The following RBBP4 variants were observed in gnomAD, a reference collection of about 807,000 sequenced individuals.
The protein encoded by RBBP4 is RB binding protein 4, chromatin remodeling factor, also known as histone-binding protein RBBP4.
RBBP4 carries 3 observed loss-of-function variants against 57.2 expected under a neutral mutation model. The ratio of observed to expected loss-of-function variants is 0.05; its 90% CI spans 0.02 to 0.14. The LOEUF (loss-of-function observed/expected upper bound fraction) is 0.14. Among genes scored for constraint, RBBP4 ranks in the 10% least tolerant of loss-of-function variants. The probability of loss-of-function intolerance (pLI) is 1.00; values close to 1 mark genes in which losing one functional copy is unlikely to be tolerated. For missense variants in RBBP4, 107 were observed against 520.6 expected, an observed-to-expected ratio of 0.21 and a Z score of 7.73; for synonymous variants, 151 against 171.5, an observed-to-expected ratio of 0.88 and a Z score of 0.93.
intron 3 of RBBP4, among the ~76,000 whole-genome samples, chr1:32,663,808 C>T (rs978336958): frequency 6.6e-5 from 10 of 151,966 alleles, no homozygotes; most frequent in African/African-American, 2.2e-4. Flanking sequence ...AATCTCCTGA[C>T]CTCGTGATCC....
At chr1:32,677,492 A>AAC (rs1410952900) in intron 11 of RBBP4, among the ~76,000 whole-genome samples, 1 of 150,096 alleles carries the variant, frequency 6.7e-6, no homozygotes, top group Non-Finnish European at 1.5e-5. Context: ...CAAAACAAAA[A>AAC]ACAAACAAAA....
In RBBP4 at chr1:32,668,878, G is replaced by T. The variant is rs1378905652; in HGVS notation, c.600+24G>T. 3 of 1,612,920 alleles carry T rather than the reference G, an allele frequency of 1.9e-6. No individual in the cohort carries two copies. In the African/African-American group the frequency reaches 4.0e-5, roughly 21 times the overall value. Reference sequence around the variant, plus strand: ...ATGTGTGTATCCTTCCCATTTTGAAGCAAATCTGGGCTAGTTACCAGTTGG... The same window carrying T: ...ATGTGTGTATCCTTCCCATTTTGAATCAAATCTGGGCTAGTTACCAGTTGG... On this transcript the variant is annotated intron_variant, in intron 5 of 11. Coordinates refer to ENST00000373493, the MANE Select transcript of RBBP4 (RefSeq NM_005610.3).
At chr1:32,660,303 C>T (rs1455557527) in intron 3 of RBBP4, among the ~76,000 whole-genome samples, 1 of 152,096 alleles carries the variant, frequency 6.6e-6, no homozygotes, top group Non-Finnish European at 1.5e-5. Flanking sequence ...CTGGAGTGCA[C>T]TGGCATGATC....
intron 11 of RBBP4, among the ~76,000 whole-genome samples, chr1:32,675,200 T>G (rs1003991071): frequency 6.6e-6 from 1 of 151,660 alleles, no homozygotes; most frequent in African/African-American, 2.4e-5. Flanking sequence ...CTGGCTAAAT[T>G]TTTGTAATTT....
At position 32,652,091 on chromosome 1, in the gene RBBP4, A is replaced by T. The variant is rs772198196; in HGVS notation, c.164+30A>T. 6 of 1,592,704 alleles carry T rather than the reference A, an allele frequency of 3.8e-6. No homozygotes were observed. The South Asian group carries it at 4.5e-5, about 12-fold the overall frequency. On this transcript the variant is annotated intron_variant, in intron 2 of 11. Transcript: ENST00000373493. ...CATGACTCTCCCGAACGTTATTTTG[A>T]TGTATTTTCAGTGTAGATTTCTCAT... is the stretch of plus-strand genomic sequence containing the variant.
Position 32,651,313 on chromosome 1 carries a change from G to A in RBBP4, c.7G>A (p.Asp3Asn). 1 of 1,469,560 alleles carries A rather than the reference G, an allele frequency of 6.8e-7. No homozygotes were observed. 91.0% of individuals were successfully genotyped at this position (1,469,560 alleles called of 1,614,324 possible). ...CCCGGCTCGCCTGCCCGCCATGGCC[G>A]ACAAGGAAGGTGAGGGTGCCGGGGC... MA[D>N]KEAAFDDAVE... The change falls in exon 1 of 12, where the codon GAC (aspartate) becomes AAC (asparagine). Residue 3 changes from aspartate (D) to asparagine (N), a missense_variant. Asp to Asn is a conservative substitution (Grantham distance 23, BLOSUM62 1). Around this residue, in one of 3 missense-constraint regions of RBBP4, gnomAD observed 92 missense variants for 408.5 expected, o/e 0.23. Transcript: ENST00000373493.
intron 11 of RBBP4, among the ~76,000 whole-genome samples, chr1:32,673,820 C>T (rs1168428201): frequency 2.6e-5 from 4 of 152,078 alleles, no homozygotes; most frequent in South Asian, 2.1e-4. Flanking sequence ...TATATTCGGC[C>T]GAGCACGTTG....
intron 3 of RBBP4, among the ~76,000 whole-genome samples, chr1:32,659,982 T>C (rs943284068): frequency 6.6e-6 from 1 of 152,212 alleles, no homozygotes; most frequent in Non-Finnish European, 1.5e-5. Context: ...AGAAAAAGAT[T>C]TGAAGTCCCA....
chr1:32,672,627 A>G lies in RBBP4; in HGVS notation c.1044-15A>G, dbSNP rs143421423. 4,655 of 1,613,146 alleles carry G rather than the reference A, an allele frequency of 2.9e-3. 33 individuals are homozygous for G. Among genetic ancestry groups the G allele is most frequent in the Middle Eastern group, 0.027 (163 of 6,058 alleles). ...TAAATCTGTTTTAACTTTTAAAATT[A>G]TGCTTTTGTACTAGTAAAATTGGAG... On this transcript the variant is annotated splice_polypyrimidine_tract_variant and intron_variant, in intron 9 of 11. Coordinates refer to ENST00000373493, the MANE Select transcript of RBBP4 (RefSeq NM_005610.3).
chr1:32,680,681 T>A lies in RBBP4; in HGVS notation c.*976T>A. The A allele has an allele frequency of 1.3e-6, 1 of 775,244 alleles. No homozygotes were observed. The highest frequency in any genetic ancestry group is 2.0e-6 in the Non-Finnish European group (1 of 493,600). The allele number at this position is 775,244 out of a possible 1,614,324, so 48.0% of individuals were successfully genotyped here. On this transcript the variant is annotated 3_prime_UTR_variant, in exon 12 of 12. Coordinates refer to ENST00000373493, the MANE Select transcript of RBBP4 (RefSeq NM_005610.3). ...CCATGCTGATGGGTTTTATTTAGTATAAAACATCCATCAAACACCAGTCTC... is the reference window on the plus strand; with the variant it reads ...CCATGCTGATGGGTTTTATTTAGTAAAAAACATCCATCAAACACCAGTCTC...
rs1355235381 is a variant in RBBP4, at chr1:32,660,614, T to C, written c.310+3042T>C. On this transcript the variant is annotated intron_variant, in intron 3 of 11. Transcript: ENST00000373493. Reference sequence around the variant, plus strand: ...TTTTTTTTTTTTTTAAGAGATGGCATGTCACTATGTTGCTCAGGCTGATCT... The same window carrying C: ...TTTTTTTTTTTTTTAAGAGATGGCACGTCACTATGTTGCTCAGGCTGATCT... 3.3e-5 allele frequency among the ~76,000 whole-genome samples: 5 copies of C among 149,596 alleles called. No homozygotes were observed. The East Asian group carries it at 9.8e-4, about 29-fold the overall frequency.
chr1:32,679,385 G>T (rs529116301), intron 11 of RBBP4, among the ~76,000 whole-genome samples: 1 of 152,206 alleles, frequency 6.6e-6, no homozygotes, highest in African/African-American at 2.4e-5. Context: ...AGTTTTGTGG[G>T]AATGTCCTAA....
chr1:32,660,906 C>G (rs1490882472), intron 3 of RBBP4, among the ~76,000 whole-genome samples: 1 of 152,106 alleles, frequency 6.6e-6, no homozygotes, highest in Admixed American at 6.6e-5. Context: ...GCCTCCTGGG[C>G]TCAAGCAGTC....
At chr1:32,667,789 G>T (rs1420174866) in intron 3 of RBBP4, among the ~76,000 whole-genome samples, 7 of 152,100 alleles carry the variant, frequency 4.6e-5, no homozygotes, top group African/African-American at 1.7e-4. Flanking sequence ...ATACAGCATG[G>T]CATAATGTTT....
Position 32,684,551 on chromosome 1 carries a change from G to GA in RBBP4, c.*4853dup, listed in dbSNP as rs983248677. On this transcript the variant is annotated 3_prime_UTR_variant, in exon 12 of 12. Coordinates refer to ENST00000373493, the MANE Select transcript of RBBP4 (RefSeq NM_005610.3). ...ACAGGTTCAAAGAAGTTGTGTCTTGGAAAAAAAGTGACAATGCTTTTGAAA... is the reference window on the plus strand; with the variant it reads ...ACAGGTTCAAAGAAGTTGTGTCTTGGAAAAAAAAGTGACAATGCTTTTGAAA... 108 of 943,900 alleles carry GA rather than the reference G, an allele frequency of 1.1e-4. No homozygotes were observed. The African/African-American group carries it at 1.3e-3, about 12-fold the overall frequency. The allele number at this position is 943,900 out of a possible 1,614,324, so 58.5% of individuals were successfully genotyped here.
intron 3 of RBBP4, 81 bp downstream of exon 3, chr1:32,657,653 T>G: frequency 6.9e-7 from 1 of 1,457,828 alleles, no homozygotes; most frequent in Non-Finnish European, 9.3e-7. Flanking sequence ...AACTCTGACT[T>G]TAGAAACAAT....
At chr1:32,672,158 T>G (rs188890420) in intron 8 of RBBP4, among the ~76,000 whole-genome samples, 1 of 151,914 alleles carries the variant, frequency 6.6e-6, no homozygotes, top group East Asian at 2.0e-4. Context: ...CCCAGCTAAT[T>G]TTTGTATTTT....
At chr1:32,664,694 A>T (rs1476303273) in intron 3 of RBBP4, among the ~76,000 whole-genome samples, 1 of 151,716 alleles carries the variant, frequency 6.6e-6, no homozygotes, top group Admixed American at 6.6e-5. Flanking sequence ...CTTGTGATCC[A>T]CCCGTCTCGG....
Position 32,669,386 on chromosome 1 carries a change from A to C in RBBP4, c.888+29A>C, listed in dbSNP as rs756654508. 1 of 1,580,336 alleles carries C rather than the reference A, an allele frequency of 6.3e-7. No individual in the cohort carries two copies. Among genetic ancestry groups the C allele is most frequent in the Admixed American group, 2.0e-5 (1 of 50,380 alleles). On this transcript the variant is annotated intron_variant, in intron 7 of 11. Coordinates refer to ENST00000373493, the MANE Select transcript of RBBP4 (RefSeq NM_005610.3). The surrounding 1 kb of genome is among the most constrained non-coding windows in gnomAD (Gnocchi z 4.9). ...AGTTTCGTTTATTTTAATAGAAAAC[A>C]TAATTTCTCTAGGTTTTTTTGAATT...
Sources: allele counts gnomAD v4.1 joint callset (sites outside exome capture counted in the v4.1 genomes callset), GRCh38; gene constraint gnomAD v4.1.1; regional missense constraint gnomAD v4.1.1; non-coding constraint Gnocchi (gnomAD v3.1); transcripts MANE v1.5; gene names NCBI Gene and HGNC (gene_info 2026-07-23, HGNC 2026-07-21).